The following TRAPPC9 variants were observed in gnomAD, a reference collection of about 807,000 sequenced individuals.
The protein encoded by TRAPPC9 is IKK2 binding protein.
In TRAPPC9, 83 loss-of-function variants were observed where a neutral mutation model predicts 124.0. The ratio of observed to expected loss-of-function variants is 0.67; its 90% CI spans 0.56 to 0.80. The LOEUF (loss-of-function observed/expected upper bound fraction) is 0.80. Ranked by LOEUF, TRAPPC9 falls within the 30% of genes least tolerant of loss-of-function variation. The probability of loss-of-function intolerance (pLI) is 0.00; values close to 1 mark genes in which losing one functional copy is unlikely to be tolerated. For missense variants in TRAPPC9, 1,302 were observed against 1,508.3 expected (o/e 0.86, Z 2.27); for synonymous variants, 638 against 617.5 (o/e 1.03, Z -0.49).
intron 21 of TRAPPC9, among the ~76,000 whole-genome samples, chr8:139,881,937 C>G (rs1362630604): frequency 6.6e-6 from 1 of 152,186 alleles, no homozygotes; most frequent in Non-Finnish European, 1.5e-5. Context: ...GGGCCTCCCT[C>G]TGATGGTGGC....
intron 11 of TRAPPC9, among the ~76,000 whole-genome samples, chr8:140,299,781 G>A (rs546772519): frequency 3.3e-5 from 5 of 152,340 alleles, no homozygotes; most frequent in Admixed American, 6.5e-5. Context: ...CAGGAGGGAC[G>A]AGAGCTCAGA....
chr8:139,772,883 C>G (rs1400956122), intron 21 of TRAPPC9, among the ~76,000 whole-genome samples: 1 of 152,202 alleles, frequency 6.6e-6, no homozygotes, highest in Non-Finnish European at 1.5e-5. Context: ...AGAAGGCAGC[C>G]GTCTACAGGC....
chr8:140,314,754 G>A (rs1170590578), intron 9 of TRAPPC9, among the ~76,000 whole-genome samples: 1 of 152,314 alleles, frequency 6.6e-6, no homozygotes, highest in East Asian at 1.9e-4. Flanking sequence ...CATCTGTGTT[G>A]TTGCAAATGA....
intron 19 of TRAPPC9, among the ~76,000 whole-genome samples, chr8:139,974,862 C>G (rs1836336048): frequency 6.6e-6 from 1 of 152,108 alleles, no homozygotes; most frequent in Non-Finnish European, 1.5e-5. Context: ...CCGGCTGCCT[C>G]TCCCTCTCCG....
chr8:140,269,726 A>G (rs1236729108), intron 15 of TRAPPC9, among the ~76,000 whole-genome samples: 2 of 152,192 alleles, frequency 1.3e-5, no homozygotes, highest in Non-Finnish European at 2.9e-5. Flanking sequence ...TGCATGGTTC[A>G]GTATTCTTAT....
At chr8:140,295,540 C>T (rs1042201397) in intron 11 of TRAPPC9, among the ~76,000 whole-genome samples, 3 of 152,188 alleles carry the variant, frequency 2.0e-5, no homozygotes, top group Admixed American at 6.5e-5. Context: ...TGACAGAAGG[C>T]CTTCAACCCA....
chr8:140,385,455 A>C (rs1427998672), intron 7 of TRAPPC9, among the ~76,000 whole-genome samples: 1 of 152,238 alleles, frequency 6.6e-6, no homozygotes, highest in African/African-American at 2.4e-5. Flanking sequence ...GAAGAATCAA[A>C]TAGACGAAAT....
chr8:139,789,870 C>A (rs1027345658), intron 21 of TRAPPC9, among the ~76,000 whole-genome samples: 2 of 152,150 alleles, frequency 1.3e-5, no homozygotes, highest in Admixed American at 1.3e-4. Context: ...CTTCTGTAGG[C>A]CGGCCTCAGT....
intron 21 of TRAPPC9, among the ~76,000 whole-genome samples, chr8:139,733,907 C>T (rs1171576901): frequency 6.6e-6 from 1 of 152,214 alleles, no homozygotes; most frequent in African/African-American, 2.4e-5. Flanking sequence ...CTGCCTGGCT[C>T]ACACGGTCAG....
intron 17 of TRAPPC9, among the ~76,000 whole-genome samples, chr8:140,159,440 CTTAGA>C (rs1473151110): frequency 4.6e-5 from 7 of 152,204 alleles, no homozygotes; most frequent in Non-Finnish European, 1.0e-4. Context: ...TCTCCAACTC[CTTAGA>C]CATCTGCCGA....
intron 17 of TRAPPC9, among the ~76,000 whole-genome samples, chr8:140,081,666 A>C (rs1216502373): frequency 1.3e-5 from 2 of 152,184 alleles, no homozygotes; most frequent in African/African-American, 2.4e-5. Flanking sequence ...TTAGAAATGC[A>C]CATTTGATTC....
At chr8:140,310,043 A>G (rs1428222875) in intron 10 of TRAPPC9, among the ~76,000 whole-genome samples, 1 of 151,926 alleles carries the variant, frequency 6.6e-6, no homozygotes, top group African/African-American at 2.4e-5. Flanking sequence ...GGAGCACACA[A>G]CTCTTTGGCA....
intron 17 of TRAPPC9, among the ~76,000 whole-genome samples, chr8:140,125,677 C>A (rs2061081463): frequency 6.8e-6 from 1 of 146,366 alleles, no homozygotes; most frequent in South Asian, 2.2e-4. Context: ...TCACCACAAG[C>A]TCCACCTCCC....
rs2070217175 is a variant in TRAPPC9, at chr8:140,421,706, TTACAATCTGTGTCA to T, written c.886+4895_886+4908del. Among the ~76,000 whole-genome samples the T allele has an allele frequency of 8.5e-5, 13 of 152,258 alleles. No individual in the cohort carries two copies. In the South Asian group the frequency reaches 2.7e-3, roughly 32 times the overall value. On this transcript the variant is annotated intron_variant, in intron 5 of 22. Transcript: ENST00000438773. ...GACAACGACCGTATTCTGGAAAGGC[TTACAATCTGTGTCA>T]ACACTGGGGATTTTTTTCCTTTAGT...
intron 15 of TRAPPC9, among the ~76,000 whole-genome samples, chr8:140,274,316 A>G (rs927828954): frequency 1.3e-5 from 2 of 151,970 alleles, no homozygotes; most frequent in Non-Finnish European, 2.9e-5. Flanking sequence ...CTCCATGCCC[A>G]CTCCCTGCTC....
At chr8:139,910,631 T>C (rs1444384069) in intron 19 of TRAPPC9, among the ~76,000 whole-genome samples, 1 of 152,196 alleles carries the variant, frequency 6.6e-6, no homozygotes, top group Non-Finnish European at 1.5e-5. Context: ...GGATGGCGAC[T>C]TAAACTCCTG....
chr8:140,423,118 C>G (rs1292989400), intron 5 of TRAPPC9, among the ~76,000 whole-genome samples: 3 of 152,254 alleles, frequency 2.0e-5, no homozygotes, highest in Middle Eastern at 6.8e-3. Flanking sequence ...CCAGCAACTC[C>G]CCTTCCTAGA....
chr8:140,173,222 T>C (rs1379133481), intron 17 of TRAPPC9, among the ~76,000 whole-genome samples: 1 of 152,142 alleles, frequency 6.6e-6, no homozygotes, highest in Non-Finnish European at 1.5e-5. Context: ...ATGGAACAGA[T>C]GGGGCAGTGG....
At chr8:140,023,209 G>A (rs1839921108) in intron 18 of TRAPPC9, among the ~76,000 whole-genome samples, 1 of 152,204 alleles carries the variant, frequency 6.6e-6, no homozygotes, top group Admixed American at 6.5e-5. Flanking sequence ...GGAGGAATGG[G>A]AGCCACAGAG....
Sources: allele counts gnomAD v4.1 joint callset (sites outside exome capture counted in the v4.1 genomes callset), GRCh38; gene constraint gnomAD v4.1.1; transcripts MANE v1.5; gene names NCBI Gene and HGNC (gene_info 2026-07-23, HGNC 2026-07-21).